Variants in PDCL2 observed in about 807,000 individuals in gnomAD.
PDCL2 encodes phosducin like 2, also known as phosducin-like protein 2.
Under a neutral mutation model 30.3 loss-of-function variants are expected in PDCL2, and 23 were observed. The observed-to-expected ratio is 0.76, with a 90% CI of 0.55 to 1.08. The LOEUF (loss-of-function observed/expected upper bound fraction) is 1.08. Ranked by LOEUF, PDCL2 falls within the 50% of genes least tolerant of loss-of-function variation. The pLI is 0.00. For missense variants in PDCL2, 243 were observed against 282.3 expected, an observed-to-expected ratio of 0.86 and a Z score of 1.00; for synonymous variants, 68 against 86.2, an observed-to-expected ratio of 0.79 and a Z score of 1.17.
intron 3 of PDCL2, among the ~76,000 whole-genome samples, chr4:55,576,998 A>T (rs1319430818): frequency 6.6e-6 from 1 of 152,062 alleles, no homozygotes; most frequent in East Asian, 1.9e-4. Context: ...CCCAGATTCA[A>T]GCAATTCTCC....
chr4:55,570,216 AAGTGCTTGCT>A (rs1329018518), intron 3 of PDCL2, among the ~76,000 whole-genome samples: 2 of 152,194 alleles, frequency 1.3e-5, no homozygotes, highest in Non-Finnish European at 2.9e-5. Flanking sequence ...AACATTAACC[AAGTGCTTGCT>A]ATGTTACCAG....
At chr4:55,576,659 A>G (rs1452344691) in intron 3 of PDCL2, among the ~76,000 whole-genome samples, 1 of 152,180 alleles carries the variant, frequency 6.6e-6, no homozygotes, top group Admixed American at 6.5e-5. Context: ...ATGAAAGAAG[A>G]AGGAAATAAA....
intron 1 of PDCL2, among the ~76,000 whole-genome samples, chr4:55,586,065 A>G (rs950673196): frequency 6.6e-6 from 1 of 151,918 alleles, no homozygotes. Flanking sequence ...GATAACTATA[A>G]GCTTAGTTTG....
intron 1 of PDCL2, among the ~76,000 whole-genome samples, chr4:55,583,054 C>A (rs908634644): frequency 6.6e-6 from 1 of 152,142 alleles, no homozygotes; most frequent in Non-Finnish European, 1.5e-5. Context: ...TGGCTCACTG[C>A]AACCTCCACC....
Position 55,564,371 on chromosome 4 carries a change from A to G in PDCL2, c.363-1759T>C, listed in dbSNP as rs539475302. On this transcript the variant is annotated intron_variant, in intron 4 of 5. Transcript: ENST00000295645. Reference sequence around the variant, plus strand: ...CCCGAAGACAGTTCTGACAGCAAGTAGTAGGGGAACAAATTTGGTGTTGGG... The same window carrying G: ...CCCGAAGACAGTTCTGACAGCAAGTGGTAGGGGAACAAATTTGGTGTTGGG... Among the ~76,000 whole-genome samples the G allele has an allele frequency of 3.3e-5, 5 of 152,338 alleles. No homozygotes were observed. In the South Asian group the frequency reaches 1.0e-3, roughly 32 times the overall value.
chr4:55,578,053 G>A (rs969369796), intron 3 of PDCL2, among the ~76,000 whole-genome samples: 2 of 152,088 alleles, frequency 1.3e-5, no homozygotes, highest in African/African-American at 2.4e-5. Context: ...AAGCTTTAAG[G>A]TCTTCTCAGG....
intron 5 of PDCL2, among the ~76,000 whole-genome samples, chr4:55,558,528 TTTATAAATTACCC>T (rs1732043789): frequency 6.6e-6 from 1 of 152,222 alleles, no homozygotes; most frequent in South Asian, 2.1e-4. Context: ...ACCTCTTTCC[TTTATAAATTACCC>T]AGTCTCAGGT....
At chr4:55,563,479 G>A (rs1337053705) in intron 4 of PDCL2, among the ~76,000 whole-genome samples, 3 of 152,154 alleles carry the variant, frequency 2.0e-5, no homozygotes, top group Non-Finnish European at 4.4e-5. Context: ...TCAGGAGTTC[G>A]AGACCAGCCT....
At chr4:55,590,794 C>A (rs1471792027) in intron 1 of PDCL2, among the ~76,000 whole-genome samples, 1 of 152,120 alleles carries the variant, frequency 6.6e-6, no homozygotes, top group Admixed American at 6.5e-5. Flanking sequence ...TGCCCTCGGC[C>A]ATGAAATTTT....
intron 3 of PDCL2, among the ~76,000 whole-genome samples, chr4:55,576,362 G>A (rs1202121121): frequency 2.0e-5 from 3 of 152,128 alleles, no homozygotes; most frequent in Non-Finnish European, 2.9e-5. Flanking sequence ...CAAAGCACTG[G>A]GATTACAGGC....
intron 5 of PDCL2, among the ~76,000 whole-genome samples, chr4:55,560,935 A>G (rs1732116798): frequency 6.6e-6 from 1 of 152,156 alleles, no homozygotes; most frequent in Admixed American, 6.5e-5. Context: ...GGGACTTCCC[A>G]GCCTCCAGAA....
intron 4 of PDCL2, among the ~76,000 whole-genome samples, chr4:55,568,013 G>T (rs1466032682): frequency 6.6e-6 from 1 of 151,996 alleles, no homozygotes; most frequent in East Asian, 1.9e-4. Flanking sequence ...TTCTTTTATG[G>T]GGCATGTTGT....
intron 1 of PDCL2, among the ~76,000 whole-genome samples, chr4:55,583,722 G>A (rs1179040292): frequency 6.6e-6 from 1 of 152,114 alleles, no homozygotes; most frequent in Non-Finnish European, 1.5e-5. Context: ...AAAATCAATT[G>A]ACTGTAAATG....
In PDCL2 at chr4:55,577,138, G is replaced by A. The variant is rs183271719; in HGVS notation, c.218+3683C>T. 5.9e-5 allele frequency among the ~76,000 whole-genome samples: 9 copies of A among 152,248 alleles called. No individual in the cohort carries two copies. The East Asian group carries it at 1.2e-3, about 20-fold the overall frequency. On this transcript the variant is annotated intron_variant, in intron 3 of 5. Transcript: ENST00000295645. The stretch of plus-strand genomic sequence containing the variant: ...TTCGAACTCCTGACTCAGGTGATCC[G>A]CCTGCCTTGGTCTCCCAAAGTGCTG...
chr4:55,564,844 T>A (rs1000076306), intron 4 of PDCL2, among the ~76,000 whole-genome samples: 1 of 152,144 alleles, frequency 6.6e-6, no homozygotes, highest in African/African-American at 2.4e-5. Flanking sequence ...TTTGTAAAAA[T>A]TTTAACAGTG....
chr4:55,572,143 T>G (rs1228598437), intron 3 of PDCL2, among the ~76,000 whole-genome samples: 1 of 152,186 alleles, frequency 6.6e-6, no homozygotes, highest in Non-Finnish European at 1.5e-5. Context: ...CATGGGCTGG[T>G]TTTGCCATTA....
Position 55,562,432 on chromosome 4 carries a change from T to C in PDCL2, c.543A>G (p.Glu181=). The C allele has an allele frequency of 5.5e-6, 8 of 1,461,156 alleles. No individual in the cohort carries two copies. The highest frequency in any genetic ancestry group is 7.3e-6 in the Non-Finnish European group (8 of 1,102,888). The allele number at this position is 1,461,156 out of a possible 1,614,324, so 90.5% of individuals were successfully genotyped here. The part of the protein sequence containing the change: ...QIEAKFIGII[E]CGGINLKLEE... ...CCAGCTTGAGATTTATCCCTCCACATTCTATAATTCCAATGAATTTGGCTT... is the reference window on the plus strand; with the variant it reads ...CCAGCTTGAGATTTATCCCTCCACACTCTATAATTCCAATGAATTTGGCTT... Residue 181 remains glutamate (E), a synonymous_variant, in exon 5 of 6, where the codon GAA becomes GAG. Transcript: ENST00000295645.
chr4:55,562,455 C>A lies in PDCL2; in HGVS notation c.520G>T (p.Ala174Ser), dbSNP rs865943204. The A allele has an allele frequency of 1.3e-6, 2 of 1,523,852 alleles. No homozygotes were observed. Among genetic ancestry groups the A allele is most frequent in the Non-Finnish European group, 8.8e-7 (1 of 1,136,030 alleles). 94.4% of individuals were successfully genotyped at this position (1,523,852 alleles called of 1,614,324 possible). A position where few individuals can be genotyped will look rare whatever the true frequency, so the allele number is the denominator to read the frequency against. The change falls in exon 5 of 6, where the codon GCC becomes TCC. Residue 174 changes from alanine to serine, a missense_variant. Transcript: ENST00000295645. Reference sequence around the variant, plus strand: ...CATTCTATAATTCCAATGAATTTGGCTTCTATCTGACCATTTTTATACACA... The same window carrying A: ...CATTCTATAATTCCAATGAATTTGGATTCTATCTGACCATTTTTATACACA... ...IFVYKNGQIE[A>S]KFIGIIECGG... is the part of the protein sequence containing the mutation.
intron 3 of PDCL2, among the ~76,000 whole-genome samples, chr4:55,572,405 A>T (rs1732450011): frequency 6.6e-6 from 1 of 152,232 alleles, no homozygotes; most frequent in South Asian, 2.1e-4. Context: ...GAAACTAGGG[A>T]ATCTGGAACT....
Sources: gnomAD v4.1 joint callset for allele counts (sites outside exome capture counted in the v4.1 genomes callset) on GRCh38, gnomAD v4.1.1 for gene constraint, MANE v1.5 for transcripts, NCBI Gene and HGNC (gene_info 2026-07-23, HGNC 2026-07-21) for gene names.